Variants in DENND5B observed in about 807,000 individuals in gnomAD.
The protein encoded by DENND5B is DENN domain containing 5B.
Under a neutral mutation model 140.6 loss-of-function variants are expected in DENND5B, and 34 were observed. The ratio of observed to expected loss-of-function variants is 0.24; its 90% CI spans 0.18 to 0.32. DENND5B has a LOEUF of 0.32. Among genes scored for constraint, DENND5B ranks in the 10% least tolerant of loss-of-function variants. The pLI is 1.00. For synonymous variants in DENND5B, 551 were observed against 562.1 expected (o/e 0.98, Z 0.28); for missense variants, 1,142 against 1,560.2 (o/e 0.73, Z 4.52).
intron 1 of DENND5B, among the ~76,000 whole-genome samples, chr12:31,534,497 C>T (rs1432265824): frequency 6.6e-6 from 1 of 152,014 alleles, no homozygotes; most frequent in Non-Finnish European, 1.5e-5. Context: ...ATAAAAATCA[C>T]GAGCTCCACA....
chr12:31,538,958 GTTT>G (rs75708833), intron 1 of DENND5B, among the ~76,000 whole-genome samples: 2 of 138,196 alleles, frequency 1.4e-5, no homozygotes, highest in Non-Finnish European at 3.2e-5. Context: ...GAAACAAAAG[GTTT>G]TTTTTTTTTT....
chr12:31,424,574 C>A lies in DENND5B; in HGVS notation c.2352G>T (p.Leu784=). The change falls in exon 10 of 21, where the codon CTG becomes CTT. Residue 784 remains leucine (L), a synonymous_variant. Transcript: ENST00000389082. The part of the protein sequence containing the change: ...ENTLIASLCD[L]LERIWSHGLQ... Reference sequence around the variant, plus strand: ...AGCCATGGCTCCATATCCTCTCCAGCAGGTCACAAAGGCTGGCGATCAAGG... The same window carrying A: ...AGCCATGGCTCCATATCCTCTCCAGAAGGTCACAAAGGCTGGCGATCAAGG... The A allele has an allele frequency of 6.2e-7, 1 of 1,613,926 alleles. No individual in the cohort carries two copies. Among genetic ancestry groups the A allele is most frequent in the South Asian group, 1.1e-5 (1 of 91,072 alleles).
intron 1 of DENND5B, among the ~76,000 whole-genome samples, chr12:31,567,525 T>TA (rs35048750): frequency 0.6 from 55,295 of 91,682 alleles, 17,686 homozygotes; most frequent in East Asian, 0.86. Flanking sequence ...AGACTCTGTC[T>TA]AAAAAAAAAA....
chr12:31,395,422 C>T (rs529451369), intron 17 of DENND5B, among the ~76,000 whole-genome samples: 25 of 152,098 alleles, frequency 1.6e-4, no homozygotes, highest in Non-Finnish European at 2.8e-4. Flanking sequence ...GGTGAAACCC[C>T]GTCTCTACCC....
chr12:31,556,610 A>C (rs1949290870), intron 1 of DENND5B, among the ~76,000 whole-genome samples: 1 of 152,194 alleles, frequency 6.6e-6, no homozygotes, highest in Non-Finnish European at 1.5e-5. Context: ...TGAGGTCAGG[A>C]GTTCAAGACC....
chr12:31,557,851 TCAC>T (rs1449446777), intron 1 of DENND5B, among the ~76,000 whole-genome samples: 1 of 134,836 alleles, frequency 7.4e-6, no homozygotes, highest in African/African-American at 2.7e-5. Context: ...ACAGAAATGC[TCAC>T]CACTTTAGCC....
chr12:31,533,329 T>A (rs1352020293), intron 1 of DENND5B, among the ~76,000 whole-genome samples: 1 of 152,204 alleles, frequency 6.6e-6, no homozygotes, highest in Non-Finnish European at 1.5e-5. Flanking sequence ...ACATGCTATT[T>A]ACATGGCATT....
intron 1 of DENND5B, among the ~76,000 whole-genome samples, chr12:31,537,319 G>A (rs1948536904): frequency 1.3e-5 from 2 of 152,106 alleles, no homozygotes; most frequent in Non-Finnish European, 2.9e-5. Flanking sequence ...TAGAAAGCAG[G>A]GGGATGAAGT....
chr12:31,405,600 T>C (rs1433652211), intron 14 of DENND5B, among the ~76,000 whole-genome samples: 1 of 152,086 alleles, frequency 6.6e-6, no homozygotes, highest in Non-Finnish European at 1.5e-5. Flanking sequence ...CAGGCTGGAG[T>C]GCAGTGGTGC....
At chr12:31,445,195 T>C (rs965966111) in intron 6 of DENND5B, among the ~76,000 whole-genome samples, 4 of 152,182 alleles carry the variant, frequency 2.6e-5, no homozygotes, top group Non-Finnish European at 4.4e-5. Flanking sequence ...CCAGGCATAA[T>C]TGTATAAAAT....
chr12:31,394,612 GCT>G (rs759945276), intron 17 of DENND5B, among the ~76,000 whole-genome samples: 1 of 119,484 alleles, frequency 8.4e-6, no homozygotes, highest in Non-Finnish European at 1.7e-5. Flanking sequence ...GTTACCCTGT[GCT>G]CTTTTTTTTT....
chr12:31,408,352 C>T (rs1044458251), intron 14 of DENND5B, among the ~76,000 whole-genome samples: 3 of 151,332 alleles, frequency 2.0e-5, no homozygotes, highest in Admixed American at 6.6e-5. Flanking sequence ...CCAGGTCCAG[C>T]GTGGTGGCTC....
intron 1 of DENND5B, among the ~76,000 whole-genome samples, chr12:31,552,114 C>T (rs371979771): frequency 2.6e-5 from 4 of 151,456 alleles, no homozygotes; most frequent in Non-Finnish European, 5.9e-5. Context: ...GAATAGGAGT[C>T]GTGAGAGAGG....
At chr12:31,452,784 T>G (rs571498568) in intron 4 of DENND5B, among the ~76,000 whole-genome samples, 1 of 152,320 alleles carries the variant, frequency 6.6e-6, no homozygotes, top group South Asian at 2.1e-4. Context: ...TTTCCATCAT[T>G]TTTCCCTATG....
At chr12:31,580,341 T>C (rs1592090854) in intron 1 of DENND5B, among the ~76,000 whole-genome samples, 1 of 152,162 alleles carries the variant, frequency 6.6e-6, no homozygotes, top group African/African-American at 2.4e-5. Context: ...GGCTAATACA[T>C]TTTATAGTTG....
intron 2 of DENND5B, among the ~76,000 whole-genome samples, chr12:31,484,604 C>G (rs1048848962): frequency 6.6e-6 from 1 of 152,084 alleles, no homozygotes; most frequent in African/African-American, 2.4e-5. Context: ...AGTTTGAAAC[C>G]AGCCTGGGCA....
chr12:31,581,402 T>A, intron 1 of DENND5B, among the ~76,000 whole-genome samples: 1 of 151,982 alleles, frequency 6.6e-6, no homozygotes, highest in East Asian at 1.9e-4. Flanking sequence ...TTCTTAAAAA[T>A]TGTAGCTTTC....
intron 1 of DENND5B, among the ~76,000 whole-genome samples, chr12:31,572,657 A>T (rs1290345159): frequency 6.6e-6 from 1 of 152,048 alleles, no homozygotes; most frequent in East Asian, 1.9e-4. Flanking sequence ...AAAAGTATCT[A>T]AAAGGTGTTA....
chr12:31,513,761 C>T (rs868807671), intron 1 of DENND5B, among the ~76,000 whole-genome samples: 8 of 152,176 alleles, frequency 5.3e-5, no homozygotes, highest in Middle Eastern at 3.4e-3. Context: ...CCAAGGACCC[C>T]CTGCTCCTTT....
Sources: allele counts gnomAD v4.1 joint callset (sites outside exome capture counted in the v4.1 genomes callset), GRCh38; gene constraint gnomAD v4.1.1; transcripts MANE v1.5; gene names NCBI Gene and HGNC (gene_info 2026-07-23, HGNC 2026-07-21).